ATG4C: variants seen among roughly 807,000 people sequenced by gnomAD.
The protein encoded by ATG4C is autophagy related 4C cysteine peptidase, also known as cysteine protease ATG4C.
A neutral mutation model predicts 57.6 loss-of-function variants in ATG4C; 56 were observed. That is an observed-to-expected ratio of 0.97 (90% CI 0.78 to 1.21). The LOEUF is 1.21. Among genes scored for constraint, ATG4C ranks in the 50% most tolerant of loss-of-function variants. The pLI, the probability that ATG4C is intolerant of heterozygous loss-of-function variation, is 0.00. For synonymous variants in ATG4C, 157 were observed against 174.1 expected (o/e 0.90, Z 0.78); for missense variants, 595 against 529.8 (o/e 1.12, Z -1.21).
chr1:62,793,203 T>C (rs1205671865), intron 1 of ATG4C, among the ~76,000 whole-genome samples: 1 of 152,010 alleles, frequency 6.6e-6, no homozygotes, highest in African/African-American at 2.4e-5. Flanking sequence ...TTTAAATTCT[T>C]TTAAATTTAC....
intron 10 of ATG4C, among the ~76,000 whole-genome samples, chr1:62,849,493 G>GT (rs1047460403): frequency 7.3e-5 from 11 of 151,370 alleles, no homozygotes; most frequent in South Asian, 2.1e-4. Context: ...CTTTCCAACA[G>GT]TTTTTTTATC....
intron 1 of ATG4C, among the ~76,000 whole-genome samples, chr1:62,787,108 GGTTTGGGAAACATGCTTT>G (rs1664115756): frequency 6.6e-6 from 1 of 152,160 alleles, no homozygotes. Context: ...AAGAGGACCA[GGTTTGGGAAACATGCTTT>G]GTTTATTAGT....
chr1:62,827,287 C>A (rs1665693293), intron 6 of ATG4C, among the ~76,000 whole-genome samples: 1 of 152,144 alleles, frequency 6.6e-6, no homozygotes, highest in Non-Finnish European at 1.5e-5. Context: ...GCATCTTGTT[C>A]CTGGGACATG....
At chr1:62,830,889 C>T (rs2100333587) in intron 7 of ATG4C, among the ~76,000 whole-genome samples, 2 of 152,164 alleles carry the variant, frequency 1.3e-5, no homozygotes, top group Middle Eastern at 6.8e-3. Context: ...TAATACTTTT[C>T]AATGTAAATT....
At position 62,819,110 on chromosome 1, in the gene ATG4C, G is replaced by A; in HGVS notation, c.500G>A (p.Gly167Glu). 6.2e-7 allele frequency: 1 copy of A among 1,613,108 alleles called. No homozygotes were observed. The highest frequency in any genetic ancestry group is 2.2e-5 in the East Asian group (1 of 44,846). Reference protein sequence around the residue: ...FTASFEASLSGEREFKTPTIS... With the variant: ...FTASFEASLSEEREFKTPTIS... ...GCATCATTTGAAGCATCACTTTCAGGGGAAAGAGAATTCAAAACCCCAACA... is the reference window on the plus strand; with the variant it reads ...GCATCATTTGAAGCATCACTTTCAGAGGAAAGAGAATTCAAAACCCCAACA... Residue 167 changes from glycine (G) to glutamate (E), a missense_variant, in exon 5 of 11, where the codon GGG (glycine) becomes GAG (glutamate). Transcript: ENST00000317868.
chr1:62,864,804 G>A lies in ATG4C; in HGVS notation c.*645G>A, dbSNP rs1666957127. Reference sequence around the variant, plus strand: ...ATTGGTTTTCCCTCACAAATTTAAAGATTATGTTATTAATACTATTATAAC... The same window carrying A: ...ATTGGTTTTCCCTCACAAATTTAAAAATTATGTTATTAATACTATTATAAC... On this transcript the variant is annotated 3_prime_UTR_variant, in exon 11 of 11. Transcript: ENST00000317868. 6.6e-6 allele frequency: 1 copy of A among 151,836 alleles called. No individual in the cohort carries two copies. Among genetic ancestry groups the A allele is most frequent in the Non-Finnish European group, 1.5e-5 (1 of 67,856 alleles). 9.4% of individuals were successfully genotyped at this position (151,836 alleles called of 1,614,324 possible).
chr1:62,836,748 G>T (rs972712614), intron 9 of ATG4C, among the ~76,000 whole-genome samples: 5 of 151,886 alleles, frequency 3.3e-5, no homozygotes, highest in African/African-American at 1.2e-4. Flanking sequence ...TTTTTATAGG[G>T]AACTTTTTGG....
intron 6 of ATG4C, among the ~76,000 whole-genome samples, chr1:62,825,952 G>T (rs1665635980): frequency 6.6e-6 from 1 of 151,992 alleles, no homozygotes; most frequent in South Asian, 2.1e-4. Context: ...CTGTTGTCCA[G>T]GTTGGAGTGC....
chr1:62,797,327 T>C (rs910334677), intron 1 of ATG4C, among the ~76,000 whole-genome samples: 2 of 152,226 alleles, frequency 1.3e-5, no homozygotes, highest in African/African-American at 4.8e-5. Flanking sequence ...ATGCCATAAT[T>C]TAGTCATCAG....
chr1:62,806,912 G>T (rs1257113600), intron 3 of ATG4C, among the ~76,000 whole-genome samples: 2 of 152,090 alleles, frequency 1.3e-5, no homozygotes, highest in Non-Finnish European at 2.9e-5. Context: ...GAAACCTTAG[G>T]GCTAGCTTTG....
chr1:62,829,731 C>A (rs1238955860), intron 7 of ATG4C, among the ~76,000 whole-genome samples: 1 of 151,930 alleles, frequency 6.6e-6, no homozygotes, highest in Non-Finnish European at 1.5e-5. Flanking sequence ...TGTTTGGTTT[C>A]TTGCTTCAAA....
intron 10 of ATG4C, among the ~76,000 whole-genome samples, chr1:62,860,408 ACAAT>A (rs1557998108): frequency 6.6e-6 from 1 of 152,226 alleles, no homozygotes; most frequent in African/African-American, 2.4e-5. Context: ...TATCTGCCAT[ACAAT>A]CAGTTTGTTT....
intron 8 of ATG4C, 58 bp downstream of exon 8, chr1:62,834,174 A>G (rs1665925984): frequency 2.0e-6 from 3 of 1,495,676 alleles, no homozygotes; most frequent in Non-Finnish European, 2.8e-6. Context: ...TCAGAAAGTT[A>G]ATATGAGATC....
intron 3 of ATG4C, among the ~76,000 whole-genome samples, chr1:62,813,236 A>G (rs1665147965): frequency 6.6e-6 from 1 of 151,622 alleles, no homozygotes. Context: ...ACAGGGCTAC[A>G]GTAACCAAAA....
chr1:62,819,417 A>G (rs1229937193), intron 5 of ATG4C, 82 bp downstream of exon 5: 2 of 1,105,186 alleles, frequency 1.8e-6, no homozygotes, highest in Non-Finnish European at 2.5e-6. Context: ...GTGTATATAT[A>G]ATTGGAACTT....
intron 1 of ATG4C, among the ~76,000 whole-genome samples, chr1:62,801,854 A>T (rs1572102483): frequency 7.3e-6 from 1 of 137,210 alleles, no homozygotes; most frequent in Admixed American, 8.1e-5. Context: ...GTTACTCGGG[A>T]GGCTGAGGCA....
intron 9 of ATG4C, among the ~76,000 whole-genome samples, chr1:62,840,866 A>G (rs1034369927): frequency 4.6e-5 from 7 of 152,238 alleles, no homozygotes; most frequent in Non-Finnish European, 1.0e-4. Flanking sequence ...AGAAGAAACA[A>G]GAATTAAAGC....
In ATG4C at chr1:62,861,576, AACACACACACACAC is replaced by A. The variant is rs57225222; in HGVS notation, c.1210-2378_1210-2365del. ...CAGAAGAAAGAAGCTTGGAAAATAG[AACACACACACACAC>A]ACACACACACACACACACACACACA... On this transcript the variant is annotated intron_variant, in intron 10 of 10. Transcript: ENST00000317868. 7.8e-3 allele frequency among the ~76,000 whole-genome samples: 1,047 copies of A among 133,550 alleles called. 24 individuals carry two copies. The highest frequency in any genetic ancestry group is 0.026 in the African/African-American group (909 of 34,994). 87.6% of individuals were successfully genotyped at this position (133,550 alleles called of 152,430 possible).
intron 5 of ATG4C, among the ~76,000 whole-genome samples, chr1:62,820,113 A>G (rs576144198): frequency 6.6e-6 from 1 of 152,194 alleles, no homozygotes; most frequent in South Asian, 2.1e-4. Context: ...GATGCTTACA[A>G]TTGAAAAGTA....
Sources: gnomAD v4.1 joint callset for allele counts (sites outside exome capture counted in the v4.1 genomes callset) on GRCh38, gnomAD v4.1.1 for gene constraint, MANE v1.5 for transcripts, NCBI Gene and HGNC (gene_info 2026-07-23, HGNC 2026-07-21) for gene names.